The following AFF3 variants were observed in gnomAD, a reference collection of about 807,000 sequenced individuals.
The protein encoded by AFF3 is ALF transcription elongation factor 3.
AFF3 carries 32 observed loss-of-function variants against 129.7 expected under a neutral mutation model. That is an observed-to-expected ratio of 0.25 (90% CI 0.19 to 0.33). The LOEUF (loss-of-function observed/expected upper bound fraction) is 0.33. AFF3 is among the 10% of genes least tolerant of loss of function. AFF3 has a pLI of 1.00. For missense variants in AFF3, 1,373 were observed against 1,592.0 expected (o/e 0.86, Z 2.34); for synonymous variants, 644 against 635.4 (o/e 1.01, Z -0.20).
chr2:99,747,706 A>T (rs1681282970), intron 9 of AFF3, among the ~76,000 whole-genome samples: 1 of 152,218 alleles, frequency 6.6e-6, no homozygotes, highest in Admixed American at 6.5e-5. Flanking sequence ...AGAGACTTCA[A>T]AATGGTTGAA....
rs567778172 is a variant in AFF3, at chr2:99,751,535, G to T, written c.1002+686C>A. Among the ~76,000 whole-genome samples, 11 of 152,294 alleles carry T rather than the reference G, an allele frequency of 7.2e-5. No homozygotes were observed. In the South Asian group the frequency reaches 2.1e-3, roughly 29 times the overall value. ...TATAATGCACAGGGAAAATGAAATGGCACATAAACTCCTGATAGTAATCTC... is the reference window on the plus strand; with the variant it reads ...TATAATGCACAGGGAAAATGAAATGTCACATAAACTCCTGATAGTAATCTC... On this transcript the variant is annotated intron_variant, in intron 9 of 24. Transcript: ENST00000672756.
At chr2:100,122,654 G>A (rs999564693) in intron 2 of AFF3, among the ~76,000 whole-genome samples, 3 of 152,198 alleles carry the variant, frequency 2.0e-5, no homozygotes, top group Non-Finnish European at 4.4e-5. Context: ...TTGAGAACAA[G>A]TATGTCTCTA....
intron 7 of AFF3, among the ~76,000 whole-genome samples, chr2:99,977,314 C>A (rs1173024187): frequency 6.6e-6 from 1 of 152,176 alleles, no homozygotes; most frequent in Admixed American, 6.5e-5. Flanking sequence ...ACTGCCTCAA[C>A]ATCTCTCAGC....
At chr2:99,556,169 G>A (rs1439849108) in intron 22 of AFF3, among the ~76,000 whole-genome samples, 2 of 152,190 alleles carry the variant, frequency 1.3e-5, no homozygotes, top group Non-Finnish European at 2.9e-5. Flanking sequence ...GGAGGAAGAA[G>A]GCAGTGACTC....
intron 7 of AFF3, among the ~76,000 whole-genome samples, chr2:99,996,150 T>C (rs1680812954): frequency 6.6e-6 from 1 of 152,076 alleles, no homozygotes; most frequent in Non-Finnish European, 1.5e-5. Flanking sequence ...GTTGTCCAAA[T>C]AAATGAGATG....
chr2:99,822,724 A>G (rs1687778909), intron 8 of AFF3, among the ~76,000 whole-genome samples: 1 of 152,142 alleles, frequency 6.6e-6, no homozygotes, highest in African/African-American at 2.4e-5. Context: ...ACATGCTAGG[A>G]ATCTGCTGCT....
chr2:99,552,026 C>T (rs1395970275), intron 24 of AFF3, among the ~76,000 whole-genome samples: 2 of 152,138 alleles, frequency 1.3e-5, no homozygotes, highest in East Asian at 1.9e-4. Context: ...AGATGGGTCA[C>T]GAGACATCTG....
In AFF3 at chr2:99,869,249, C is replaced by T. The variant is rs552023401; in HGVS notation, c.874-31725G>A. The stretch of plus-strand genomic sequence containing the variant: ...GAAGCGGTAAACTACAAGAAATGGA[C>T]GGGATTTGCAATCTTCCCAGAAAAT... On this transcript the variant is annotated intron_variant, in intron 7 of 24. Transcript: ENST00000672756. Among the ~76,000 whole-genome samples the T allele has an allele frequency of 1.4e-4, 22 of 152,166 alleles. 1 individual carries two copies. Among genetic ancestry groups the T allele is most frequent in the African/African-American group, 4.3e-4 (18 of 41,524 alleles).
At chr2:99,606,878 C>T (rs938068705) in intron 13 of AFF3, among the ~76,000 whole-genome samples, 1 of 136,450 alleles carries the variant, frequency 7.3e-6, no homozygotes, top group African/African-American at 2.8e-5. Context: ...TGCGCCACTG[C>T]ACTCCAGCCT....
intron 13 of AFF3, among the ~76,000 whole-genome samples, chr2:99,643,669 A>G (rs564680253): frequency 1.6e-4 from 24 of 152,238 alleles, no homozygotes; most frequent in Admixed American, 3.9e-4. Context: ...GAGCTCGTCC[A>G]CTTGACAAGG....
intron 7 of AFF3, among the ~76,000 whole-genome samples, chr2:99,876,732 C>T (rs1045372691): frequency 2.6e-5 from 4 of 152,072 alleles, no homozygotes; most frequent in Non-Finnish European, 5.9e-5. Context: ...TGCCTCCGCA[C>T]CCTCATGCCA....
chr2:99,969,125 T>C (rs11683613), intron 7 of AFF3, among the ~76,000 whole-genome samples: 22 of 152,164 alleles, frequency 1.4e-4, no homozygotes, highest in Admixed American at 2.6e-4. Flanking sequence ...TTTCTCTCCA[T>C]TGCTTGGGTA....
At chr2:100,086,311 A>G (rs976389600) in intron 4 of AFF3, among the ~76,000 whole-genome samples, 17 of 152,036 alleles carry the variant, frequency 1.1e-4, no homozygotes, top group Non-Finnish European at 1.5e-4. Context: ...TCACAAGGTC[A>G]GGAGACTGAG....
At chr2:100,104,832 T>G in intron 3 of AFF3, 1 of 479,160 alleles carries the variant, frequency 2.1e-6, no homozygotes, top group Non-Finnish European at 2.6e-6. Flanking sequence ...CGCGGTGCTC[T>G]GCGCCCGCCC....
Position 99,587,196 on chromosome 2 carries a change from C to T in AFF3, c.2549G>A (p.Ser850Asn), listed in dbSNP as rs1173629175. ...GCAGTGGTTTGCAGACAAAGTATTA[C>T]TGGTGGAGGTGGCCAGTCTTGAAGA... The part of the protein sequence containing the change: ...DSSSRLATST[S>N]NTLSANHCNM... The change falls in exon 16 of 25, where the codon AGT becomes AAT. Residue 850 changes from serine (S) to asparagine (N), a missense_variant. Ser to Asn is a conservative substitution (Grantham distance 46). Around this residue, in one of 9 missense-constraint regions of AFF3, gnomAD observed 466 missense variants for 505.0 expected, o/e 0.92. Coordinates refer to ENST00000672756, the MANE Select transcript of AFF3 (RefSeq NM_001386135.1). 5.0e-6 allele frequency: 8 copies of T among 1,614,094 alleles called. No homozygotes were observed. The African/African-American group carries it at 5.3e-5, about 11-fold the overall frequency.
chr2:99,742,140 G>A (rs1264750937), intron 10 of AFF3, among the ~76,000 whole-genome samples: 1 of 152,172 alleles, frequency 6.6e-6, no homozygotes, highest in Non-Finnish European at 1.5e-5. Flanking sequence ...AGGACCGCTT[G>A]AGGCCAGGAG....
intron 7 of AFF3, among the ~76,000 whole-genome samples, chr2:99,926,336 A>G (rs993073091): frequency 6.6e-6 from 1 of 152,166 alleles, no homozygotes; most frequent in Non-Finnish European, 1.5e-5. Flanking sequence ...ACCCGAGTAC[A>G]CTGGAGTGGA....
chr2:99,826,649 C>G (rs931189690), intron 8 of AFF3, among the ~76,000 whole-genome samples: 1 of 152,036 alleles, frequency 6.6e-6, no homozygotes. Context: ...AGTGGTTACG[C>G]CTGCAGAAGT....
chr2:99,882,020 TG>T (rs376556479), intron 7 of AFF3, among the ~76,000 whole-genome samples: 65 of 152,224 alleles, frequency 4.3e-4, no homozygotes, highest in African/African-American at 1.5e-3. Context: ...CAGCAAATCA[TG>T]TCTCATTTTG....
Sources: allele counts gnomAD v4.1 joint callset (sites outside exome capture counted in the v4.1 genomes callset), GRCh38; gene constraint gnomAD v4.1.1; regional missense constraint gnomAD v4.1.1; transcripts MANE v1.5; gene names NCBI Gene and HGNC (gene_info 2026-07-23, HGNC 2026-07-21).